Variants in EFHB observed in about 807,000 individuals in gnomAD.
The protein encoded by EFHB is EF-hand domain family member B, also known as EF-hand domain-containing family member B.
EFHB carries 91 observed loss-of-function variants against 87.2 expected under a neutral mutation model. The observed-to-expected ratio is 1.04, with a 90% CI of 0.88 to 1.24. EFHB has a LOEUF of 1.24. EFHB is among the 50% of genes most tolerant of loss of function. The probability of loss-of-function intolerance (pLI) is 0.00; values close to 1 mark genes in which losing one functional copy is unlikely to be tolerated. For synonymous variants in EFHB, 325 were observed against 333.6 expected, an observed-to-expected ratio of 0.97 and a Z score of 0.28; for missense variants, 1,084 against 998.8, an observed-to-expected ratio of 1.09 and a Z score of -1.15.
chr3:19,930,212 T>C (rs1222747002), intron 1 of EFHB, among the ~76,000 whole-genome samples: 1 of 152,360 alleles, frequency 6.6e-6, no homozygotes, highest in African/African-American at 2.4e-5. Context: ...TTTTCTATAA[T>C]GTTATTATTC....
Position 19,882,593 on chromosome 3 carries a change from C to T in EFHB, c.2285G>A (p.Gly762Glu), listed in dbSNP as rs754208216. The change falls in exon 12 of 13, where the codon GGA (glycine) becomes GAA (glutamate). Residue 762 changes from glycine (G) to glutamate (E), a missense_variant. By Grantham distance (98) the Gly-to-Glu change is moderately conservative (BLOSUM62 -2). Transcript: ENST00000295824. ...CTTGAAGAAGTCTCTTTCAAACACT[C>T]CTTTCCGGGCAAAAATGGTAGGATA... ...LLYPTIFARK[G>E]VFERDFFKTR... 1.1e-5 allele frequency: 18 copies of T among 1,611,398 alleles called. No individual in the cohort carries two copies. The highest frequency in any genetic ancestry group is 4.4e-5 in the South Asian group (4 of 90,586).
In EFHB at chr3:19,920,577, A is replaced by T. The variant is rs368340280; in HGVS notation, c.790-10T>A. The T allele has an allele frequency of 4.4e-6, 7 of 1,582,016 alleles. No homozygotes were observed. Among genetic ancestry groups the T allele is most frequent in the South Asian group, 2.3e-5 (2 of 85,362 alleles). ...GAATAACTTTTCCTGCCTTTGGGGG[A>T]AAAAAATGGGTTGATCATTGCCAGG... On this transcript the variant is annotated splice_polypyrimidine_tract_variant and intron_variant, in intron 1 of 12. Transcript: ENST00000295824.
chr3:19,882,744 T>C lies in EFHB; in HGVS notation c.2147-13A>G. 6.2e-7 allele frequency: 1 copy of C among 1,606,586 alleles called. No individual in the cohort carries two copies. The highest frequency in any genetic ancestry group is 2.2e-5 in the East Asian group (1 of 44,782). On this transcript the variant is annotated splice_polypyrimidine_tract_variant and intron_variant, in intron 11 of 12. Transcript: ENST00000295824. The stretch of plus-strand genomic sequence containing the variant: ...CAAATGGGGTAACCTAGGTCATTGA[T>C]GAGGGAAGAAAACAGACATTCTAAA...
Position 19,888,510 on chromosome 3 carries a change from C to A in EFHB, c.1867G>T (p.Ala623Ser), listed in dbSNP as rs746293003. The A allele has an allele frequency of 1.9e-6, 3 of 1,577,346 alleles. No individual in the cohort carries two copies. In the Admixed American group the frequency reaches 5.5e-5, roughly 29 times the overall value. ...NDGFINYLEF[A>S]NFLNWKDKML... ...TTGTCTTTCCAGTTAAGAAAATTTGCGAATTCCAGATAGTTAATGAAGCCA... is the reference window on the plus strand; with the variant it reads ...TTGTCTTTCCAGTTAAGAAAATTTGAGAATTCCAGATAGTTAATGAAGCCA... Residue 623 changes from alanine to serine, a missense_variant, in exon 10 of 13, where the codon GCA becomes TCA. Coordinates refer to ENST00000295824, the MANE Select transcript of EFHB (RefSeq NM_144715.4).
chr3:19,894,135 T>C (rs756017878), intron 9 of EFHB, among the ~76,000 whole-genome samples: 131 of 152,234 alleles, frequency 8.6e-4, no homozygotes, highest in Non-Finnish European at 1.7e-3. Context: ...TTTATCATAG[T>C]ACTTGGGCCT....
rs755432574 is a variant in EFHB at position 19,896,563 on chromosome 3, T to C, written c.1725+124A>G. 4.6e-6 allele frequency: 6 copies of C among 1,296,876 alleles called. No individual in the cohort carries two copies. The East Asian group carries it at 9.2e-5, about 20-fold the overall frequency. 80.3% of individuals were successfully genotyped at this position (1,296,876 alleles called of 1,614,324 possible). ...TGATTGTGTTCCAGTAAAACTTTAC[T>C]GACACAAACAAACAGTGGGCTGGAT... On this transcript the variant is annotated intron_variant, in intron 9 of 12. Transcript: ENST00000295824.
upstream of EFHB, chr3:19,936,355 G>A (rs956382094): frequency 2.0e-6 from 1 of 509,366 alleles, no homozygotes; most frequent in Non-Finnish European, 3.5e-6. Flanking sequence ...AAAAAGTCCA[G>A]GAGTTCAAGA....
chr3:19,908,594 GAGAGAGAAAGAAAGAA>G (rs1386945749), intron 5 of EFHB, among the ~76,000 whole-genome samples: 44 of 91,384 alleles, frequency 4.8e-4, no homozygotes, highest in Middle Eastern at 5.0e-3. Context: ...GAGAGAGAGA[GAGAGAGAAAGAAAGAA>G]AGAAAGAAAG....
At position 19,896,820 on chromosome 3, in the gene EFHB, T is replaced by A. The variant is rs761068516; in HGVS notation, c.1592A>T (p.Asn531Ile). The A allele has an allele frequency of 6.2e-7, 1 of 1,613,444 alleles. No homozygotes were observed. The highest frequency in any genetic ancestry group is 1.3e-5 in the African/African-American group (1 of 75,048). ...EEYGVGDLIHNRLPDEYLRGK... is the reference protein window; with the variant it reads ...EEYGVGDLIHIRLPDEYLRGK... ...TCGAAGATATTCATCCGGAAGTCTA[T>A]TATGGATGAGATCACCAACTCCTAT... Residue 531 changes from asparagine (N) to isoleucine (I), a missense_variant, in exon 9 of 13, where the codon AAT (asparagine) becomes ATT (isoleucine). By Grantham distance (149) the Asn-to-Ile change is moderately radical. Transcript: ENST00000295824.
At position 19,884,940 on chromosome 3, in the gene EFHB, G is replaced by A. The variant is rs970612238; in HGVS notation, c.1934-325C>T. 9.3e-5 allele frequency among the ~76,000 whole-genome samples: 14 copies of A among 151,310 alleles called. No individual in the cohort carries two copies. In the East Asian group the frequency reaches 2.7e-3, roughly 29 times the overall value. On this transcript the variant is annotated intron_variant, in intron 10 of 12. Transcript: ENST00000295824. ...TAAAAAAAAAAAAAAAAAATAGAGC[G>A]GCCAGGCACGGTGGCTCACGCCTGT...
intron 1 of EFHB, among the ~76,000 whole-genome samples, chr3:19,946,634 C>G (rs2125174220): frequency 6.6e-6 from 1 of 152,216 alleles, no homozygotes; most frequent in Non-Finnish European, 1.5e-5. Flanking sequence ...ATTTAGCAGC[C>G]TTTACCGACC....
intron 1 of EFHB, among the ~76,000 whole-genome samples, chr3:19,922,207 TG>T (rs1373005070): frequency 2.6e-5 from 4 of 152,264 alleles, no homozygotes; most frequent in African/African-American, 9.6e-5. Flanking sequence ...CAGAATATGC[TG>T]TCCAAAAATA....
chr3:19,895,475 G>A lies in EFHB; in HGVS notation c.1725+1212C>T, dbSNP rs191998787. Among the ~76,000 whole-genome samples the A allele has an allele frequency of 9.0e-3, 1,342 of 149,260 alleles. 22 individuals are homozygous for A. The highest frequency in any genetic ancestry group is 0.031 in the African/African-American group (1,255 of 40,156). On this transcript the variant is annotated intron_variant, in intron 9 of 12. Transcript: ENST00000295824. The stretch of plus-strand genomic sequence containing the variant: ...CAGCCTGGGCGACAGAGCGAGACTC[G>A]GTCTCAAAAAAAAAAAAAAGGAATA...
intron 1 of EFHB, among the ~76,000 whole-genome samples, chr3:19,928,113 A>G (rs1695693464): frequency 6.6e-6 from 1 of 151,992 alleles, no homozygotes; most frequent in South Asian, 2.1e-4. Flanking sequence ...CTAAATTTAC[A>G]GAGAACCACA....
intron 1 of EFHB, among the ~76,000 whole-genome samples, chr3:19,928,514 G>C (rs1478050287): frequency 6.6e-6 from 1 of 152,154 alleles, no homozygotes; most frequent in African/African-American, 2.4e-5. Flanking sequence ...GTGCGATCTT[G>C]GCTCACTGCA....
At chr3:19,909,694 G>A (rs1005688093) in intron 5 of EFHB, among the ~76,000 whole-genome samples, 1 of 152,144 alleles carries the variant, frequency 6.6e-6, no homozygotes, top group African/African-American at 2.4e-5. Flanking sequence ...TCCGCTTGAG[G>A]AGAGGAGAGG....
At chr3:19,901,748 G>A (rs746685715) in intron 6 of EFHB, among the ~76,000 whole-genome samples, 67 of 152,054 alleles carry the variant, frequency 4.4e-4, no homozygotes, top group Non-Finnish European at 8.8e-4. Flanking sequence ...TCAGGAGTTC[G>A]AGATCAGCCT....
At chr3:19,908,893 C>T (rs73046027) in intron 5 of EFHB, among the ~76,000 whole-genome samples, 21,421 of 151,786 alleles carry the variant, frequency 0.14, 2,008 homozygotes, top group Non-Finnish European at 0.21. Flanking sequence ...AGAGTATTAT[C>T]CCATTTATTT....
intron 8 of EFHB, among the ~76,000 whole-genome samples, chr3:19,897,045 T>G (rs1210751603): frequency 1.3e-5 from 2 of 152,200 alleles, no homozygotes; most frequent in Non-Finnish European, 2.9e-5. Context: ...CTGGTTTATG[T>G]TACCTCTCTG....
Sources: gnomAD v4.1 joint callset for allele counts (sites outside exome capture counted in the v4.1 genomes callset) on GRCh38, gnomAD v4.1.1 for gene constraint, MANE v1.5 for transcripts, NCBI Gene and HGNC (gene_info 2026-07-23, HGNC 2026-07-21) for gene names.